ZSCAN30: variants seen among roughly 807,000 people sequenced by gnomAD.
ZSCAN30 encodes zinc finger and SCAN domain-containing protein 30.
Under a neutral mutation model 44.3 loss-of-function variants are expected in ZSCAN30, and 37 were observed. The observed-to-expected ratio is 0.84, with a 90% CI of 0.64 to 1.10. ZSCAN30 has a LOEUF of 1.10. Among genes scored for constraint, ZSCAN30 ranks in the 50% least tolerant of loss-of-function variants. ZSCAN30 has a pLI of 0.00. For missense variants in ZSCAN30, 549 were observed against 582.6 expected, an observed-to-expected ratio of 0.94 and a Z score of 0.59; for synonymous variants, 181 against 204.6, an observed-to-expected ratio of 0.88 and a Z score of 0.98.
At chr18:35,288,797 G>C (rs774847642) in intron 1 of ZSCAN30, among the ~76,000 whole-genome samples, 1 of 152,172 alleles carries the variant, frequency 6.6e-6, no homozygotes, top group Non-Finnish European at 1.5e-5. Context: ...TGGGAGAGAG[G>C]CTTACCAACG....
At chr18:35,267,190 C>A (rs35501262) in intron 1 of ZSCAN30, 119,103 of 152,140 alleles carry the variant, frequency 0.78, 48,248 homozygotes, top group Non-Finnish European at 0.89. Context: ...TGAGAAGTGG[C>A]AGGAAGGAGC....
intron 1 of ZSCAN30, among the ~76,000 whole-genome samples, chr18:35,271,865 GC>G (rs1279783515): frequency 1.1e-4 from 16 of 152,180 alleles, no homozygotes; most frequent in Admixed American, 1.0e-3. Context: ...GGGACCCCGC[GC>G]CCCCTCCGCA....
chr18:35,274,069 G>A (rs745809654), intron 1 of ZSCAN30, among the ~76,000 whole-genome samples: 10 of 152,046 alleles, frequency 6.6e-5, no homozygotes, highest in Non-Finnish European at 1.2e-4. Context: ...AGGCTGGAGT[G>A]CAGTGGTGCG....
Position 35,253,646 on chromosome 18 carries a change from T to C in ZSCAN30, c.1289A>G (p.Glu430Gly), listed in dbSNP as rs773835198. ...KAFGRSSILI[E>G]HQRIHTGEKP... ...CTCTCCAGTGTGAATTCTTTGATGT[T>C]CAATAAGGATAGAACTCCTACCAAA... The change falls in exon 4 of 4, where the codon GAA becomes GGA. Residue 430 changes from glutamate (E) to glycine (G), a missense_variant. Transcript: ENST00000333206. The C allele has an allele frequency of 6.2e-7, 1 of 1,614,010 alleles. No homozygotes were observed. The highest frequency in any genetic ancestry group is 2.2e-5 in the East Asian group (1 of 44,868).
At chr18:35,257,774 T>C (rs546802554) in intron 3 of ZSCAN30, among the ~76,000 whole-genome samples, 12 of 152,260 alleles carry the variant, frequency 7.9e-5, no homozygotes, top group African/African-American at 2.6e-4. Context: ...CATTGCCCCA[T>C]CTCTGCGTCA....
intron 1 of ZSCAN30, among the ~76,000 whole-genome samples, chr18:35,275,158 C>T (rs1264182975): frequency 6.6e-6 from 1 of 152,166 alleles, no homozygotes; most frequent in Non-Finnish European, 1.5e-5. Context: ...ACTAATTATC[C>T]ATTAATCACT....
At chr18:35,261,244 G>A (rs2044022532) in intron 3 of ZSCAN30, 1 of 152,152 alleles carries the variant, frequency 6.6e-6, no homozygotes, top group Non-Finnish European at 1.5e-5. Context: ...ATGCTGTTTG[G>A]GTTATAGTAG....
At chr18:35,266,457 G>A (rs1042726938) in intron 1 of ZSCAN30, among the ~76,000 whole-genome samples, 2 of 152,118 alleles carry the variant, frequency 1.3e-5, no homozygotes, top group Non-Finnish European at 2.9e-5. Context: ...ATAAGGGCTT[G>A]GAAGAGAGAG....
intron 1 of ZSCAN30, among the ~76,000 whole-genome samples, chr18:35,265,975 G>A (rs918586716): frequency 2.0e-5 from 3 of 152,164 alleles, no homozygotes; most frequent in Non-Finnish European, 4.4e-5. Context: ...TGGAGAGGAA[G>A]GTCACCCAGG....
rs116213495 is a variant in ZSCAN30, at chr18:35,255,277, G to A, written c.554-896C>T. On this transcript the variant is annotated intron_variant, in intron 3 of 3. Transcript: ENST00000333206. ...AGTAACTCATAACAGAAGGCTACTA[G>A]AGATGGGGCATATTATGTCAGCCAT... Among the ~76,000 whole-genome samples the A allele has an allele frequency of 2.5e-3, 379 of 151,546 alleles. 1 individual carries two copies. Among genetic ancestry groups the A allele is most frequent in the African/African-American group, 8.8e-3 (363 of 41,418 alleles).
chr18:35,264,120 C>T lies in ZSCAN30; in HGVS notation c.233G>A (p.Arg78Lys), dbSNP rs1218069108. The change falls in exon 2 of 4, where the codon AGG (arginine) becomes AAG (lysine). Residue 78 changes from arginine (R) to lysine (K), a missense_variant. Physicochemically the swap from Arg to Lys is conservative, Grantham distance 26. Coordinates refer to ENST00000333206, the MANE Select transcript of ZSCAN30 (RefSeq NM_001112734.4). ...CTGCTCCTTGGAGTGCACCTCCGGC[C>T]TCAACCACTGACAGCAAAGCTCTCG... ...RLRELCCQWL[R>K]PEVHSKEQIL... 1 of 1,614,092 alleles carries T rather than the reference C, an allele frequency of 6.2e-7. No homozygotes were observed. The highest frequency in any genetic ancestry group is 8.5e-7 in the Non-Finnish European group (1 of 1,179,964).
intron 1 of ZSCAN30, chr18:35,282,542 T>C (rs1307549703): frequency 6.6e-6 from 1 of 152,204 alleles, no homozygotes; most frequent in South Asian, 2.1e-4. Flanking sequence ...AAGGCAATTT[T>C]TGGGAGATGT....
In ZSCAN30 at chr18:35,274,164, C is replaced by T. The variant is rs576792373; in HGVS notation, c.-103-9709G>A. 1.9e-3 allele frequency among the ~76,000 whole-genome samples: 292 copies of T among 152,138 alleles called. 5 individuals carry two copies. Among genetic ancestry groups the T allele is most frequent in the African/African-American group, 6.4e-3 (266 of 41,512 alleles). On this transcript the variant is annotated intron_variant, in intron 1 of 3. Coordinates refer to ENST00000333206, the MANE Select transcript of ZSCAN30 (RefSeq NM_001112734.4). ...CCAAGTAGCTGGGACTACGGGCGCCCGCCACCATGCCCAGCTAATTTTTGG... is the reference window on the plus strand; with the variant it reads ...CCAAGTAGCTGGGACTACGGGCGCCTGCCACCATGCCCAGCTAATTTTTGG...
In ZSCAN30 at chr18:35,285,864, G is replaced by A. The variant is rs77112587; in HGVS notation, c.-104+4220C>T. 7.8e-3 allele frequency among the ~76,000 whole-genome samples: 1,178 copies of A among 151,894 alleles called. 8 individuals carry two copies. Among genetic ancestry groups the A allele is most frequent in the Middle Eastern group, 0.027 (8 of 294 alleles). On this transcript the variant is annotated intron_variant, in intron 1 of 3. Coordinates refer to ENST00000333206, the MANE Select transcript of ZSCAN30 (RefSeq NM_001112734.4). Reference sequence around the variant, plus strand: ...AAAAGGAAATAATAAGGAACAGAGTGGACATTAATAGACCAGAAAATGAAA... The same window carrying A: ...AAAAGGAAATAATAAGGAACAGAGTAGACATTAATAGACCAGAAAATGAAA...
intron 1 of ZSCAN30, chr18:35,266,757 C>T (rs1433609464): frequency 6.7e-6 from 1 of 150,350 alleles, no homozygotes; most frequent in Non-Finnish European, 1.5e-5. Context: ...AGCTCCGCCT[C>T]CCGGGTTCAC....
chr18:35,274,156 C>T (rs7236789), intron 1 of ZSCAN30, among the ~76,000 whole-genome samples: 129,632 of 152,076 alleles, frequency 0.85, 56,006 homozygotes, highest in Non-Finnish European at 0.93. Flanking sequence ...GCTGGGACTA[C>T]GGGCGCCCGC....
At chr18:35,259,444 C>T (rs368248143) in intron 3 of ZSCAN30, among the ~76,000 whole-genome samples, 147 of 152,326 alleles carry the variant, frequency 9.7e-4, no homozygotes, top group Middle Eastern at 3.4e-3. Flanking sequence ...CCTCTTAAAG[C>T]GCTGGCATTA....
At chr18:35,264,908 A>G (rs1003415673) in intron 1 of ZSCAN30, among the ~76,000 whole-genome samples, 1 of 152,126 alleles carries the variant, frequency 6.6e-6, no homozygotes, top group Non-Finnish European at 1.5e-5. Flanking sequence ...GCACTTTGGG[A>G]GGCCGAGGCG....
In ZSCAN30 at chr18:35,264,124, A is replaced by G. The variant is rs557306770; in HGVS notation, c.229T>C (p.Leu77=). Reference sequence around the variant, plus strand: ...TCCTTGGAGTGCACCTCCGGCCTCAACCACTGACAGCAAAGCTCTCGCAGC... The same window carrying G: ...TCCTTGGAGTGCACCTCCGGCCTCAGCCACTGACAGCAAAGCTCTCGCAGC... ...SRLRELCCQW[L]RPEVHSKEQI... The change falls in exon 2 of 4, where the codon TTG becomes CTG. Residue 77 remains leucine, a synonymous_variant. Coordinates refer to ENST00000333206, the MANE Select transcript of ZSCAN30 (RefSeq NM_001112734.4). 5 of 1,614,048 alleles carry G rather than the reference A, an allele frequency of 3.1e-6. No individual in the cohort carries two copies. The highest frequency in any genetic ancestry group is 1.7e-5 in the Admixed American group (1 of 60,012).
Sources: allele counts gnomAD v4.1 joint callset (sites outside exome capture counted in the v4.1 genomes callset), GRCh38; gene constraint gnomAD v4.1.1; transcripts MANE v1.5; gene names NCBI Gene and HGNC (gene_info 2026-07-23, HGNC 2026-07-21).